Variants in CCDC93 observed in about 807,000 individuals in gnomAD.
The protein encoded by CCDC93 is coiled-coil domain-containing protein 93.
CCDC93 carries 61 observed loss-of-function variants against 108.2 expected under a neutral mutation model. The ratio of observed to expected loss-of-function variants is 0.56; its 90% CI spans 0.46 to 0.70. CCDC93 has a LOEUF of 0.70. Among genes scored for constraint, CCDC93 ranks in the 30% least tolerant of loss-of-function variants. The pLI, the probability that CCDC93 is intolerant of heterozygous loss-of-function variation, is 0.00. For missense variants in CCDC93, 685 were observed against 764.2 expected, an observed-to-expected ratio of 0.90 and a Z score of 1.22; for synonymous variants, 276 against 260.4, an observed-to-expected ratio of 1.06 and a Z score of -0.58.
rs191346848 is a variant in CCDC93 at position 117,951,995 on chromosome 2, C to G, written c.1068+378G>C. On this transcript the variant is annotated intron_variant, in intron 13 of 23. Transcript: ENST00000376300. Reference sequence around the variant, plus strand: ...AAAGACATCTCACTCTCAAGGAATTCAGGATCTTAGAGTTACTATACAAGC... The same window carrying G: ...AAAGACATCTCACTCTCAAGGAATTGAGGATCTTAGAGTTACTATACAAGC... 2.0e-5 allele frequency among the ~76,000 whole-genome samples: 3 copies of G among 152,188 alleles called. No individual in the cohort carries two copies. The East Asian group carries it at 5.8e-4, about 29-fold the overall frequency.
Position 118,013,938 on chromosome 2 carries a change from G to C in CCDC93, c.42+16C>G. 6.4e-7 allele frequency: 1 copy of C among 1,574,304 alleles called. No homozygotes were observed. The highest frequency in any genetic ancestry group is 8.6e-7 in the Non-Finnish European group (1 of 1,161,300). ...CAGGAACCCCGACGTGTCAGGGAAG[G>C]AGGAGGCGTTCTTACCTCCGGGAGA... On this transcript the variant is annotated intron_variant, in intron 1 of 23. Transcript: ENST00000376300.
chr2:117,928,209 T>G (rs926767714), intron 23 of CCDC93, among the ~76,000 whole-genome samples: 1 of 152,308 alleles, frequency 6.6e-6, no homozygotes, highest in East Asian at 1.9e-4. Context: ...GGGCAAGGAC[T>G]TCATGTCTAA....
rs758937127 is a variant in CCDC93, at chr2:118,006,823, G to A, written c.157-7C>T. The A allele has an allele frequency of 7.1e-6, 11 of 1,554,202 alleles. No homozygotes were observed. The highest frequency in any genetic ancestry group is 8.9e-6 in the Non-Finnish European group (10 of 1,126,654). On this transcript the variant is annotated splice_polypyrimidine_tract_variant and splice_region_variant and intron_variant, in intron 2 of 23. Transcript: ENST00000376300. The stretch of plus-strand genomic sequence containing the variant: ...AAGTCATTCCTCCTACTACCTGCAA[G>A]ACATAAAGAAAATATTTGTTTTCTC...
intron 12 of CCDC93, among the ~76,000 whole-genome samples, chr2:117,954,526 CA>C (rs1400713987): frequency 1.3e-5 from 2 of 152,120 alleles, no homozygotes; most frequent in Non-Finnish European, 2.9e-5. Flanking sequence ...TGGAGTCCTC[CA>C]GGATTCTCTT....
At chr2:117,936,621 C>A in intron 21 of CCDC93, 81 bp downstream of exon 21, 1 of 1,104,342 alleles carries the variant, frequency 9.1e-7, no homozygotes, top group Non-Finnish European at 1.4e-6. Context: ...TTGTCAAGCA[C>A]ATTATAGCAA....
In CCDC93 at chr2:117,986,029, C is replaced by T. The variant is rs1450869566; in HGVS notation, c.560G>A (p.Gly187Glu). 6.2e-7 allele frequency: 1 copy of T among 1,613,648 alleles called. No individual in the cohort carries two copies. The highest frequency in any genetic ancestry group is 2.2e-5 in the East Asian group (1 of 44,894). Reference sequence around the variant, plus strand: ...TTCTTCATCAAGTAGCTCCTCTGCTCCCTGGTGGCGTTTGTATTTCCGACG... The same window carrying T: ...TTCTTCATCAAGTAGCTCCTCTGCTTCCTGGTGGCGTTTGTATTTCCGACG... ...KPRRKYKRHQ[G>E]AEELLDEESR... is the part of the protein sequence containing the mutation. Residue 187 changes from glycine (G) to glutamate (E), a missense_variant, in exon 7 of 24, where the codon GGA (glycine) becomes GAA (glutamate). Gly to Glu is a moderately conservative substitution (Grantham distance 98, BLOSUM62 -2). Coordinates refer to ENST00000376300, the MANE Select transcript of CCDC93 (RefSeq NM_019044.5).
rs760005785 is a variant in CCDC93, at chr2:117,978,072, TTACAA to T, written c.621-47_621-43del. 3.2e-6 allele frequency: 5 copies of T among 1,550,838 alleles called. No individual in the cohort carries two copies. The East Asian group carries it at 1.1e-4, about 35-fold the overall frequency. On this transcript the variant is annotated intron_variant, in intron 7 of 23. Coordinates refer to ENST00000376300, the MANE Select transcript of CCDC93 (RefSeq NM_019044.5). ...AGGAGTTTAATTACTACTTAAAAAA[TTACAA>T]TACATTCAGTGAAATGCATTTTGGT...
At chr2:117,992,495 C>T (rs1241310688) in intron 6 of CCDC93, among the ~76,000 whole-genome samples, 1 of 152,138 alleles carries the variant, frequency 6.6e-6, no homozygotes, top group African/African-American at 2.4e-5. Context: ...CTGCCCACCT[C>T]GGCCTCCCAA....
Position 117,926,669 on chromosome 2 carries a change from C to T in CCDC93, c.1842+4368G>A, listed in dbSNP as rs1404829888. On this transcript the variant is annotated intron_variant, in intron 23 of 23. Coordinates refer to ENST00000376300, the MANE Select transcript of CCDC93 (RefSeq NM_019044.5). ...AAAAGTCCAGGACCAGATGGATTCA[C>T]AGCCAAATTCTACCAGAGGTACAAG... Among the ~76,000 whole-genome samples, 3 of 152,200 alleles carry T rather than the reference C, an allele frequency of 2.0e-5. No homozygotes were observed. In the East Asian group the frequency reaches 5.8e-4, roughly 29 times the overall value.
chr2:118,013,663 G>A (rs954262104), intron 1 of CCDC93, among the ~76,000 whole-genome samples: 3 of 152,282 alleles, frequency 2.0e-5, no homozygotes, highest in African/African-American at 7.2e-5. Flanking sequence ...CCAGGACCCC[G>A]CGGCGCGTGG....
intron 15 of CCDC93, among the ~76,000 whole-genome samples, chr2:117,947,139 T>C (rs1259464483): frequency 2.6e-5 from 4 of 152,210 alleles, no homozygotes; most frequent in African/African-American, 4.8e-5. Context: ...TCACTGGGCA[T>C]TGAAATGAAC....
intron 8 of CCDC93, among the ~76,000 whole-genome samples, chr2:117,977,788 C>T (rs1401091899): frequency 6.6e-6 from 1 of 152,176 alleles, no homozygotes; most frequent in East Asian, 1.9e-4. Flanking sequence ...TCATTTCCAG[C>T]CCCAGGAGGA....
At chr2:117,937,511 A>G (rs987923252) in intron 20 of CCDC93, among the ~76,000 whole-genome samples, 5 of 152,240 alleles carry the variant, frequency 3.3e-5, no homozygotes, top group Admixed American at 3.3e-4. Flanking sequence ...CATTTAAAAT[A>G]AAATACCAAA....
chr2:117,954,644 T>A (rs574971030), intron 12 of CCDC93, among the ~76,000 whole-genome samples: 1 of 152,326 alleles, frequency 6.6e-6, no homozygotes, highest in South Asian at 2.1e-4. Context: ...CTCTCAGGTT[T>A]CCTCTTAGCT....
intron 13 of CCDC93, chr2:117,951,511 T>C: frequency 2.0e-6 from 2 of 993,342 alleles, no homozygotes; most frequent in Non-Finnish European, 2.4e-6. Flanking sequence ...AATTGGTAAA[T>C]GTCATGTGAA....
chr2:117,995,572 A>ATC (rs10633675), intron 5 of CCDC93, 70 bp from the exon 6 acceptor site: 1,197,343 of 1,204,566 alleles, frequency 0.99, 595,406 homozygotes, highest in Non-Finnish European at 1. Flanking sequence ...CCACTCAGAT[A>ATC]TGTCTTATAA....
chr2:117,959,514 A>C (rs1007052060), intron 11 of CCDC93, among the ~76,000 whole-genome samples: 4 of 152,222 alleles, frequency 2.6e-5, no homozygotes, highest in African/African-American at 9.7e-5. Context: ...TACCCACAGG[A>C]AAAAGAAATG....
In CCDC93 at chr2:117,949,252, A is replaced by G; in HGVS notation, c.1142+70T>C. 7 of 1,072,456 alleles carry G rather than the reference A, an allele frequency of 6.5e-6. No individual in the cohort carries two copies. In the South Asian group the frequency reaches 8.9e-5, roughly 14 times the overall value. 66.4% of individuals were successfully genotyped at this position (1,072,456 alleles called of 1,614,324 possible). A position where few individuals can be genotyped will look rare whatever the true frequency, so the allele number is the denominator to read the frequency against. Reference sequence around the variant, plus strand: ...GCTGCTTTGTTCTGTGTTTAAACAAATTAAGCCAACAAGTATCAGCAAAGT... The same window carrying G: ...GCTGCTTTGTTCTGTGTTTAAACAAGTTAAGCCAACAAGTATCAGCAAAGT... On this transcript the variant is annotated intron_variant, in intron 14 of 23. Coordinates refer to ENST00000376300, the MANE Select transcript of CCDC93 (RefSeq NM_019044.5).
At chr2:117,936,830 A>G in intron 20 of CCDC93, 91 bp from the exon 21 acceptor site, 1 of 949,526 alleles carries the variant, frequency 1.1e-6, no homozygotes, top group South Asian at 1.3e-5. Context: ...GTCTCCACAT[A>G]CTGCTTCTGC....
Sources: allele counts gnomAD v4.1 joint callset (sites outside exome capture counted in the v4.1 genomes callset), GRCh38; gene constraint gnomAD v4.1.1; transcripts MANE v1.5; gene names NCBI Gene and HGNC (gene_info 2026-07-23, HGNC 2026-07-21).